CFAP46: variants seen among roughly 807,000 people sequenced by gnomAD.
The protein encoded by CFAP46 is cilia- and flagella-associated protein 46.
Under a neutral mutation model 325.7 loss-of-function variants are expected in CFAP46, and 245 were observed. The ratio of observed to expected loss-of-function variants is 0.75; its 90% CI spans 0.68 to 0.84. The LOEUF is 0.84. Among genes scored for constraint, CFAP46 ranks in the 40% least tolerant of loss-of-function variants. The pLI, the probability that CFAP46 is intolerant of heterozygous loss-of-function variation, is 0.00. For synonymous variants in CFAP46, 1,523 were observed against 1,495.9 expected, an observed-to-expected ratio of 1.02 and a Z score of -0.42; for missense variants, 3,346 against 3,543.0, an observed-to-expected ratio of 0.94 and a Z score of 1.41.
chr10:132,844,590 T>A (rs773530312), intron 44 of CFAP46, among the ~76,000 whole-genome samples: 26 of 152,176 alleles, frequency 1.7e-4, no homozygotes, highest in Non-Finnish European at 3.7e-4. Flanking sequence ...CAGGAGGGCC[T>A]GAGGAGTGGT....
intron 11 of CFAP46, among the ~76,000 whole-genome samples, chr10:132,924,449 T>C (rs1849775949): frequency 6.6e-6 from 1 of 152,048 alleles, no homozygotes; most frequent in Non-Finnish European, 1.5e-5. Context: ...CCATGGAGGC[T>C]CGAGGGACAC....
At position 132,886,861 on chromosome 10, in the gene CFAP46, C is replaced by T. The variant is rs1849139388; in HGVS notation, c.3305-902G>A. On this transcript the variant is annotated intron_variant, in intron 25 of 57. Coordinates refer to ENST00000368586, the MANE Select transcript of CFAP46 (RefSeq NM_001200049.3). The surrounding 1 kb of genome is among the most constrained non-coding windows in gnomAD (Gnocchi z 5.8). The stretch of plus-strand genomic sequence containing the variant: ...CCCCGACCCAACACAGCCATGGCGA[C>T]TAGAATGCTGACGCGTCCCCTCCCC... Among the ~76,000 whole-genome samples, 1 of 152,046 alleles carries T rather than the reference C, an allele frequency of 6.6e-6. No individual in the cohort carries two copies. The highest frequency in any genetic ancestry group is 1.5e-5 in the Non-Finnish European group (1 of 67,994).
Position 132,808,454 on chromosome 10 carries a change from C to T in CFAP46, c.8115G>A (p.Lys2705=), listed in dbSNP as rs773443292. 1.7e-5 allele frequency: 27 copies of T among 1,612,902 alleles called. No homozygotes were observed. The highest frequency in any genetic ancestry group is 2.3e-5 in the Non-Finnish European group (27 of 1,179,810). The part of the protein sequence containing the change: ...AALVLSCLDQ[K]TIQTVSLFLI Reference sequence around the variant, plus strand: ...AAAACAGGCTCACGGTCTGAATAGTCTTCTGGTCTAAGCAACTCAGCACCA... The same window carrying T: ...AAAACAGGCTCACGGTCTGAATAGTTTTCTGGTCTAAGCAACTCAGCACCA... The change falls in exon 58 of 58, where the codon AAG becomes AAA. Residue 2705 remains lysine, a synonymous_variant. Coordinates refer to ENST00000368586, the MANE Select transcript of CFAP46 (RefSeq NM_001200049.3). This position sits in a 1 kb window ranked among gnomAD's most constrained non-coding sequence, Gnocchi z 6.8.
Position 132,884,071 on chromosome 10 carries a change from C to T in CFAP46, c.3627+1032G>A, listed in dbSNP as rs543739538. Among the ~76,000 whole-genome samples the T allele has an allele frequency of 2.8e-4, 42 of 152,220 alleles. No homozygotes were observed. Among genetic ancestry groups the T allele is most frequent in the African/African-American group, 9.4e-4 (39 of 41,442 alleles). On this transcript the variant is annotated intron_variant, in intron 27 of 57. Coordinates refer to ENST00000368586, the MANE Select transcript of CFAP46 (RefSeq NM_001200049.3). This position sits in a 1 kb window ranked among gnomAD's most constrained non-coding sequence, Gnocchi z 5.4. Reference sequence around the variant, plus strand: ...AAAACACTTTCAAGGGTTTCTGCCCCGAGGCCCAGTGCAGCTCAGCTGGGT... The same window carrying T: ...AAAACACTTTCAAGGGTTTCTGCCCTGAGGCCCAGTGCAGCTCAGCTGGGT...
At chr10:132,890,822 T>C (rs1849244247) in intron 25 of CFAP46, among the ~76,000 whole-genome samples, 2 of 152,206 alleles carry the variant, frequency 1.3e-5, no homozygotes, top group South Asian at 4.1e-4. Context: ...CTCACCTTAG[T>C]AATTACACAT....
At chr10:132,922,741 C>A (rs765432672) in intron 11 of CFAP46, 33 bp from the exon 12 acceptor site, 4 of 1,501,366 alleles carry the variant, frequency 2.7e-6, no homozygotes, top group Admixed American at 2.0e-5. Flanking sequence ...GGGGCCCTGG[C>A]GGCGCTGCGC....
chr10:132,836,163 C>T lies in CFAP46; in HGVS notation c.6592G>A (p.Gly2198Arg), dbSNP rs1235990948. 2 of 1,609,494 alleles carry T rather than the reference C, an allele frequency of 1.2e-6. No homozygotes were observed. The highest frequency in any genetic ancestry group is 1.7e-5 in the Admixed American group (1 of 59,614). The change falls in exon 46 of 58, where the codon GGA becomes AGA. Residue 2198 changes from glycine (G) to arginine (R), a missense_variant. Gly to Arg is a moderately radical substitution (Grantham distance 125, BLOSUM62 -2). Transcript: ENST00000368586. The part of the protein sequence containing the change: ...EKPKFITAAK[G>R]KVQAVGGSCK... ...TCACCTCCCACCGCCTGCACCTTTC[C>T]TTTGGCTGCAGTAATGAACTTGGGT...
intron 41 of CFAP46, among the ~76,000 whole-genome samples, chr10:132,848,432 G>A (rs371189007): frequency 2.0e-5 from 3 of 152,100 alleles, no homozygotes; most frequent in South Asian, 4.1e-4. Context: ...TGGTGAGTCG[G>A]GGGGAGGGAG....
At chr10:132,859,284 C>T (rs1472473250) in intron 37 of CFAP46, 37 bp from the exon 38 acceptor site, 4 of 1,525,620 alleles carry the variant, frequency 2.6e-6, no homozygotes, top group Non-Finnish European at 3.5e-6. Context: ...GAGTCAGAAG[C>T]CCCAGGGCCG....
At chr10:132,824,759 CTGA>C (rs1246078226) in intron 50 of CFAP46, among the ~76,000 whole-genome samples, 2 of 95,256 alleles carry the variant, frequency 2.1e-5, no homozygotes, top group African/African-American at 4.7e-5. Context: ...TGTGTGAGTG[CTGA>C]TGTGTGCTGT....
intron 27 of CFAP46, among the ~76,000 whole-genome samples, chr10:132,881,351 A>G (rs956970044): frequency 1.3e-5 from 2 of 152,120 alleles, no homozygotes; most frequent in Non-Finnish European, 2.9e-5. Flanking sequence ...CCGCAAGAGG[A>G]CACAGGACAG....
Position 132,899,535 on chromosome 10 carries a change from C to T in CFAP46, c.3056G>A (p.Arg1019Lys). ...ACCCCAGCCCCTTAGAGCCACACACCTGGCGCTCTCCGTGAAGGCCTTGGC... is the reference window on the plus strand; with the variant it reads ...ACCCCAGCCCCTTAGAGCCACACACTTGGCGCTCTCCGTGAAGGCCTTGGC... ...VAAKAFTESA[R>K]FGGIAGSSAL... Residue 1019 changes from arginine to lysine, a missense_variant and splice_region_variant, in exon 23 of 58, where the codon AGG (arginine) becomes AAG (lysine). Coordinates refer to ENST00000368586, the MANE Select transcript of CFAP46 (RefSeq NM_001200049.3). The T allele has an allele frequency of 6.5e-7, 1 of 1,546,394 alleles. No individual in the cohort carries two copies. Among genetic ancestry groups the T allele is most frequent in the Non-Finnish European group, 8.7e-7 (1 of 1,145,574 alleles).
intron 26 of CFAP46, 29 bp from the exon 27 acceptor site, chr10:132,885,315 G>GTCAGGA: frequency 6.6e-7 from 1 of 1,521,780 alleles, no homozygotes; most frequent in Admixed American, 2.0e-5. Flanking sequence ...AGAAACCAAC[G>GTCAGGA]TCAGGATCGG....
At chr10:132,935,930 CT>C (rs1849995142) in intron 7 of CFAP46, among the ~76,000 whole-genome samples, 1 of 123,984 alleles carries the variant, frequency 8.1e-6, no homozygotes, top group African/African-American at 2.9e-5. Context: ...GATCTCCTCA[CT>C]CCCCTCGGCA....
intron 10 of CFAP46, among the ~76,000 whole-genome samples, chr10:132,925,470 G>A (rs535901004): frequency 4.8e-4 from 73 of 152,352 alleles, no homozygotes; most frequent in Non-Finnish European, 9.7e-4. Flanking sequence ...TGAAAGCCTC[G>A]TACGCCGGTG....
At chr10:132,907,396 A>G (rs1849472080) in intron 22 of CFAP46, among the ~76,000 whole-genome samples, 1 of 152,250 alleles carries the variant, frequency 6.6e-6, no homozygotes, top group Admixed American at 6.5e-5. Flanking sequence ...ACTAAAAGTG[A>G]GATCCGTGAA....
At chr10:132,826,757 G>C (rs1313181898) in intron 50 of CFAP46, among the ~76,000 whole-genome samples, 2 of 152,124 alleles carry the variant, frequency 1.3e-5, no homozygotes, top group African/African-American at 4.8e-5. Flanking sequence ...TGGAGCCACA[G>C]AGCCAGGCAG....
chr10:132,864,399 T>C (rs1413330099), intron 35 of CFAP46, among the ~76,000 whole-genome samples: 2 of 90,822 alleles, frequency 2.2e-5, no homozygotes, highest in African/African-American at 9.4e-5. Context: ...CACACACCTG[T>C]CCCCAGTGCC....
At chr10:132,879,071 G>T (rs1391038690) in intron 29 of CFAP46, among the ~76,000 whole-genome samples, 1 of 152,218 alleles carries the variant, frequency 6.6e-6, no homozygotes, top group Non-Finnish European at 1.5e-5. Flanking sequence ...GGCGAGCCAG[G>T]CAGAGGCAGT....
Sources: allele counts gnomAD v4.1 joint callset (sites outside exome capture counted in the v4.1 genomes callset), GRCh38; gene constraint gnomAD v4.1.1; non-coding constraint Gnocchi (gnomAD v3.1); transcripts MANE v1.5; gene names NCBI Gene and HGNC (gene_info 2026-07-23, HGNC 2026-07-21).